Variants in AVIL observed in about 807,000 individuals in gnomAD.
AVIL encodes the protein advillin.
Under a neutral mutation model 109.9 loss-of-function variants are expected in AVIL, and 78 were observed. The observed-to-expected ratio is 0.71, with a 90% CI of 0.59 to 0.86. The LOEUF is 0.86. Among genes scored for constraint, AVIL ranks in the 40% least tolerant of loss-of-function variants. The pLI, the probability that AVIL is intolerant of heterozygous loss-of-function variation, is 0.00. For missense variants in AVIL, 892 were observed against 1,016.5 expected, an observed-to-expected ratio of 0.88 and a Z score of 1.67; for synonymous variants, 367 against 379.1, an observed-to-expected ratio of 0.97 and a Z score of 0.37.
chr12:57,809,769 A>G (rs1229977080), intron 8 of AVIL, 43 bp downstream of exon 8: 2 of 1,613,368 alleles, frequency 1.2e-6, no homozygotes, highest in South Asian at 2.2e-5. Flanking sequence ...CTTCTGAAGC[A>G]TGTCTGGCTA....
intron 2 of AVIL, chr12:57,815,605 G>T: frequency 7.8e-7 from 1 of 1,288,840 alleles, no homozygotes; most frequent in Non-Finnish European, 1.0e-6. Flanking sequence ...AGGAGCCAGG[G>T]TGCCCCGTGG....
In AVIL at chr12:57,798,726, C is replaced by T. The variant is rs535735720; in HGVS notation, c.2347-731G>A. 6.0e-4 allele frequency among the ~76,000 whole-genome samples: 91 copies of T among 151,836 alleles called. 1 individual carries two copies. The East Asian group carries it at 7.2e-3, about 12-fold the overall frequency. ...CTGCCTCCCGGGTTCAAGCAGTTCT[C>T]CTCCCTCAGCCTCCCAAGTAGCTGG... On this transcript the variant is annotated intron_variant, in intron 19 of 19. Coordinates refer to ENST00000549994, the MANE Select transcript of AVIL (RefSeq NM_006576.4).
At chr12:57,815,435 G>T in intron 2 of AVIL, 2 of 493,908 alleles carry the variant, frequency 4.0e-6, no homozygotes, top group South Asian at 2.3e-5. Context: ...GGGTTGGGGG[G>T]AATCCTCGTA....
intron 19 of AVIL, 80 bp from the exon 20 acceptor site, chr12:57,798,075 A>G: frequency 1.0e-6 from 1 of 959,186 alleles, no homozygotes; most frequent in Non-Finnish European, 1.6e-6. Context: ...TTGGAGCAAG[A>G]GGGAGTTCTA....
At chr12:57,801,086 G>T in intron 18 of AVIL, 58 bp downstream of exon 18, 1 of 1,436,520 alleles carries the variant, frequency 7.0e-7, no homozygotes. Flanking sequence ...GCATTTGTGT[G>T]TTCTCTGGCT....
rs908300463 is a variant in AVIL at position 57,814,376 on chromosome 12, A to G, written c.67-150T>C. On this transcript the variant is annotated intron_variant, in intron 2 of 19. Coordinates refer to ENST00000549994, the MANE Select transcript of AVIL (RefSeq NM_006576.4). ...CTTACAGGATGTGAGGCTGCCAGCC[A>G]CAGGGTTAACGTGGCCATCCCTCTG... is the stretch of plus-strand genomic sequence containing the variant. The G allele has an allele frequency of 1.3e-5, 10 of 749,172 alleles. No individual in the cohort carries two copies. In the Admixed American group the frequency reaches 2.5e-4, roughly 19 times the overall value. The allele number at this position is 749,172 out of a possible 1,614,324, so 46.4% of individuals were successfully genotyped here.
At position 57,813,316 on chromosome 12, in the gene AVIL, G is replaced by A. The variant is rs767162643; in HGVS notation, c.249C>T (p.Asp83=). Residue 83 remains aspartate, a synonymous_variant, in exon 4 of 20, where the codon GAC becomes GAT. Coordinates refer to ENST00000549994, the MANE Select transcript of AVIL (RefSeq NM_006576.4). ...GCACAGGGCTGCCTCCCAGGTAGTC[G>A]TCCAGCTGTGTGGTATATATGGCTG... is the stretch of plus-strand genomic sequence containing the variant. ...SCAAIYTTQL[D]DYLGGSPVQH... 1.9e-5 allele frequency: 31 copies of A among 1,613,904 alleles called. No individual in the cohort carries two copies. The highest frequency in any genetic ancestry group is 1.7e-5 in the Admixed American group (1 of 59,996).
At position 57,810,451 on chromosome 12, in the gene AVIL, A is replaced by ATC; in HGVS notation, c.657_658dup (p.Met220ArgfsTer2). ...GCCAAGGGTGTCCTGAAGGACCTTC[A>ATC]TCAGCTCTGGGCTGGCTGCCTCCTT... is the stretch of plus-strand genomic sequence containing the variant. On this transcript the variant is annotated frameshift_variant, in exon 7 of 20. Coordinates refer to ENST00000549994, the MANE Select transcript of AVIL (RefSeq NM_006576.4). LOFTEE classifies it high-confidence loss of function. 6.2e-7 allele frequency: 1 copy of ATC among 1,614,192 alleles called. No homozygotes were observed. The highest frequency in any genetic ancestry group is 8.5e-7 in the Non-Finnish European group (1 of 1,180,048).
rs1565826647 is a variant in AVIL at position 57,797,762 on chromosome 12, T to TA, written c.*119_*120insT. ...GGAGAACATGCCGTGATTTGCAGACTCTATTATATCTAAATTAAGTAGCTG... is the reference window on the plus strand; with the variant it reads ...GGAGAACATGCCGTGATTTGCAGACTACTATTATATCTAAATTAAGTAGCTG... On this transcript the variant is annotated 3_prime_UTR_variant, in exon 20 of 20. Transcript: ENST00000549994. The TA allele has an allele frequency of 3.7e-6, 3 of 812,150 alleles. No individual in the cohort carries two copies. The highest frequency in any genetic ancestry group is 5.2e-6 in the Non-Finnish European group (3 of 573,180). The allele number at this position is 812,150 out of a possible 1,614,324, so 50.3% of individuals were successfully genotyped here. A position where few individuals can be genotyped will look rare whatever the true frequency, so the allele number is the denominator to read the frequency against.
chr12:57,810,399 G>A lies in AVIL; in HGVS notation c.711C>T (p.Val237=). ...LGRRSIIKPT[V]PDEIIDQKQK... is the part of the protein sequence containing the mutation. ...GCTTCTGATCTATGATCTCATCAGG[G>A]ACTGTAGGCTTGATAATGGAGCGTC... is the stretch of plus-strand genomic sequence containing the variant. Residue 237 remains valine, a synonymous_variant, in exon 7 of 20, where the codon GTC becomes GTT. Transcript: ENST00000549994. The A allele has an allele frequency of 7.4e-6, 12 of 1,614,194 alleles. No individual in the cohort carries two copies. The highest frequency in any genetic ancestry group is 1.0e-5 in the Non-Finnish European group (12 of 1,180,044).
intron 2 of AVIL, chr12:57,815,767 G>C (rs770591848): frequency 5.3e-5 from 78 of 1,458,608 alleles, no homozygotes; most frequent in Non-Finnish European, 6.3e-5. Flanking sequence ...CTGTTCTTCG[G>C]GGCTGAACAT....
In AVIL at chr12:57,809,593, C is replaced by G; in HGVS notation, c.939+4G>C. Reference sequence around the variant, plus strand: ...GAACAGTATTGCACATCTGTAGCTCCTACCAGCGCTTTAGACATGGCTGCC... The same window carrying G: ...GAACAGTATTGCACATCTGTAGCTCGTACCAGCGCTTTAGACATGGCTGCC... On this transcript the variant is annotated splice_donor_region_variant and intron_variant, in intron 9 of 19. Transcript: ENST00000549994. 3.7e-6 allele frequency: 6 copies of G among 1,614,218 alleles called. No homozygotes were observed. Among genetic ancestry groups the G allele is most frequent in the Non-Finnish European group, 4.2e-6 (5 of 1,180,014 alleles).
intron 3 of AVIL, among the ~76,000 whole-genome samples, chr12:57,813,847 A>G (rs1299619412): frequency 6.6e-6 from 1 of 152,144 alleles, no homozygotes; most frequent in African/African-American, 2.4e-5. Context: ...CAGGCCTTGC[A>G]TTTATCAGGC....
chr12:57,809,973 T>G, intron 7 of AVIL, 83 bp from the exon 8 acceptor site: 1 of 1,443,822 alleles, frequency 6.9e-7, no homozygotes, highest in South Asian at 1.2e-5. Context: ...GGTTTGGTTT[T>G]AGTTTGGAGT....
intron 13 of AVIL, 71 bp downstream of exon 13, chr12:57,807,260 A>C: frequency 1.3e-6 from 2 of 1,597,604 alleles, no homozygotes; most frequent in Non-Finnish European, 1.7e-6. Context: ...TCTGCTCTCC[A>C]ATAGTCCTGT....
intron 18 of AVIL, chr12:57,800,200 G>T (rs946211059): frequency 5.9e-5 from 18 of 304,684 alleles, no homozygotes; most frequent in Admixed American, 1.3e-4. Flanking sequence ...GATCTCATTT[G>T]AATATTGGGA....
rs768919218 is a variant in AVIL at position 57,807,508 on chromosome 12, A to G, written c.1333-19T>C. The G allele has an allele frequency of 2.5e-6, 4 of 1,614,148 alleles. No individual in the cohort carries two copies. The highest frequency in any genetic ancestry group is 2.2e-5 in the East Asian group (1 of 44,904). Reference sequence around the variant, plus strand: ...GGCGGCCCTGCAATGGTGAGAGGCCATGAAGGACCCATGCTCCCCGCCCCA... The same window carrying G: ...GGCGGCCCTGCAATGGTGAGAGGCCGTGAAGGACCCATGCTCCCCGCCCCA... On this transcript the variant is annotated intron_variant, in intron 12 of 19. Coordinates refer to ENST00000549994, the MANE Select transcript of AVIL (RefSeq NM_006576.4).
intron 13 of AVIL, 110 bp downstream of exon 13, chr12:57,807,221 C>G (rs983638781): frequency 2.0e-6 from 3 of 1,514,864 alleles, no homozygotes; most frequent in Admixed American, 1.7e-5. Flanking sequence ...TCTGTCTAAT[C>G]CAAGCCTGAC....
At chr12:57,818,088 G>A (rs939548680) in intron 1 of AVIL, among the ~76,000 whole-genome samples, 6 of 150,756 alleles carry the variant, frequency 4.0e-5, no homozygotes, top group Admixed American at 6.6e-5. Context: ...GTACAATCAC[G>A]GCTCACTGCA....
Sources: allele counts gnomAD v4.1 joint callset (sites outside exome capture counted in the v4.1 genomes callset), GRCh38; gene constraint gnomAD v4.1.1; transcripts MANE v1.5; gene names NCBI Gene and HGNC (gene_info 2026-07-23, HGNC 2026-07-21).